APOB: variants seen among roughly 807,000 people sequenced by gnomAD.
APOB encodes apolipoprotein B.
A neutral mutation model predicts 314.1 loss-of-function variants in APOB; 153 were observed. The observed-to-expected ratio is 0.49, with a 90% confidence interval of 0.43 to 0.56. The LOEUF (loss-of-function observed/expected upper bound fraction) is 0.56. Among genes scored for constraint, APOB ranks in the 20% least tolerant of loss-of-function variants. The pLI is 0.00. For missense variants in APOB, 5,430 were observed against 5,350.7 expected (o/e 1.01, Z -0.46); for synonymous variants, 2,087 against 2,036.4 (o/e 1.02, Z -0.67).
At position 21,002,174 on chromosome 2, in the gene APOB, A is replaced by G. The variant is rs769781707; in HGVS notation, c.13248T>C (p.Val4416=). Residue 4416 remains valine, a synonymous_variant, in exon 29 of 29, where the codon GTT becomes GTC. Transcript: ENST00000233242. ...KIVSLIKNLL[V]ALKDFHSEYI... is the part of the protein sequence containing the mutation. Reference sequence around the variant, plus strand: ...ATTCAGAATGGAAGTCCTTAAGAGCAACTAACAGGTTCTTGATCAGACTGA... The same window carrying G: ...ATTCAGAATGGAAGTCCTTAAGAGCGACTAACAGGTTCTTGATCAGACTGA... The G allele has an allele frequency of 6.2e-7, 1 of 1,613,992 alleles. No individual in the cohort carries two copies. The highest frequency in any genetic ancestry group is 8.5e-7 in the Non-Finnish European group (1 of 1,179,962).
At position 21,007,427 on chromosome 2, in the gene APOB, C is replaced by T. The variant is rs1050626606; in HGVS notation, c.9441G>A (p.Leu3147=). ...LPYTIITTPP[L]KDFSLWEKTG... ...TTTTTTCCCATAGAGAGAAATCTTT[C>T]AGTGGAGGAGTTGTGATTATTGTGT... Residue 3147 remains leucine (L), a synonymous_variant, in exon 26 of 29, where the codon CTG becomes CTA. Coordinates refer to ENST00000233242, the MANE Select transcript of APOB (RefSeq NM_000384.3). The T allele has an allele frequency of 2.5e-6, 4 of 1,613,982 alleles. No homozygotes were observed. The highest frequency in any genetic ancestry group is 3.4e-6 in the Non-Finnish European group (4 of 1,179,960).
rs1231878200 is a variant in APOB, at chr2:21,011,402, A to G, written c.5466T>C (p.His1822=). 1 of 1,614,150 alleles carries G rather than the reference A, an allele frequency of 6.2e-7. No individual in the cohort carries two copies. The highest frequency in any genetic ancestry group is 1.7e-5 in the Admixed American group (1 of 60,022). The change falls in exon 26 of 29, where the codon CAT becomes CAC. Residue 1822 remains histidine (H), a synonymous_variant. Coordinates refer to ENST00000233242, the MANE Select transcript of APOB (RefSeq NM_000384.3). ...GKLRLEPLKL[H]VAGNLKGAYQ... is the part of the protein sequence containing the mutation. ...AGGCTCCTTTTAGGTTACCAGCCAC[A>G]TGCAGCTTCAGGGGTTCTAGCCGTA...
At position 21,026,809 on chromosome 2, in the gene APOB, G is replaced by T. The variant is rs777814256; in HGVS notation, c.2223C>A (p.Thr741=). 6.2e-7 allele frequency: 1 copy of T among 1,613,522 alleles called. No homozygotes were observed. The highest frequency in any genetic ancestry group is 1.7e-5 in the Admixed American group (1 of 59,998). The stretch of plus-strand genomic sequence containing the variant: ...ACACCTGCTCATGTTTATCATCTTT[G>T]GTATAGCCAAAGTGGTCCACTAAGA... The part of the protein sequence containing the change: ...SKVLVDHFGY[T]KDDKHEQDMV... The change falls in exon 15 of 29, where the codon ACC becomes ACA. Residue 741 remains threonine, a synonymous_variant. Coordinates refer to ENST00000233242, the MANE Select transcript of APOB (RefSeq NM_000384.3).
In APOB at chr2:21,002,950, G is replaced by A; in HGVS notation, c.12472C>T (p.Gln4158Ter). 2.5e-6 allele frequency: 4 copies of A among 1,610,972 alleles called. No homozygotes were observed. The highest frequency in any genetic ancestry group is 1.3e-5 in the African/African-American group (1 of 74,942). The change falls in exon 29 of 29, where the codon CAG (glutamine) becomes TAG (stop). Residue 4158 changes from glutamine (Q) to a stop codon, truncating the protein, a stop_gained. Coordinates refer to ENST00000233242, the MANE Select transcript of APOB (RefSeq NM_000384.3). LOFTEE classifies it low-confidence loss of function (END_TRUNC). The stretch of plus-strand genomic sequence containing the variant: ...CCCTGGAAACTGGCTTGGCCTTCCT[G>A]AGTCAACAGTTCCTGGTACAGATTC... ...AQNLYQELLT[Q>*]EGQASFQGLK...
intron 7 of APOB, 80 bp downstream of exon 7, chr2:21,035,504 C>T: frequency 2.5e-6 from 4 of 1,576,736 alleles, no homozygotes; most frequent in Non-Finnish European, 3.5e-6. Flanking sequence ...CACAGGTTTG[C>T]CTGGAACAGA....
chr2:21,004,173 T>C (rs1663065275), intron 28 of APOB, 96 bp downstream of exon 28: 6 of 1,354,362 alleles, frequency 4.4e-6, no homozygotes, highest in Non-Finnish European at 3.1e-6. Context: ...TTCACCTAGT[T>C]TGGGGAATCT....
chr2:21,002,880 T>G lies in APOB; in HGVS notation c.12542A>C (p.Glu4181Ala). The G allele has an allele frequency of 6.2e-7, 1 of 1,613,678 alleles. No homozygotes were observed. Among genetic ancestry groups the G allele is most frequent in the Non-Finnish European group, 8.5e-7 (1 of 1,179,862 alleles). ...VFDGLVRVTQ[E>A]FHMKVKHLID... ...CAGATGCTTGACTTTCATATGGAAT[T>G]CTTGAGTAACTCGTACCAAGCCATC... Residue 4181 changes from glutamate to alanine, a missense_variant, in exon 29 of 29, where the codon GAA becomes GCA. Physicochemically the swap from Glu to Ala is moderately radical, Grantham distance 107. Coordinates refer to ENST00000233242, the MANE Select transcript of APOB (RefSeq NM_000384.3).
chr2:21,008,315 C>T lies in APOB; in HGVS notation c.8553G>A (p.Glu2851=). The change falls in exon 26 of 29, where the codon GAG becomes GAA. Residue 2851 remains glutamate (E), a synonymous_variant. Coordinates refer to ENST00000233242, the MANE Select transcript of APOB (RefSeq NM_000384.3). ...AACTTGCCACTGTGTTTGATTTTCC[C>T]TCAATAGCATTTCCAAAAAACAGCA... ...SEMLFFGNAI[E]GKSNTVASLH... is the part of the protein sequence containing the mutation. 1 of 1,613,104 alleles carries T rather than the reference C, an allele frequency of 6.2e-7. No individual in the cohort carries two copies. Among genetic ancestry groups the T allele is most frequent in the South Asian group, 1.1e-5 (1 of 91,050 alleles).
rs1663318711 is a variant in APOB at position 21,011,429 on chromosome 2, T to C, written c.5439A>G (p.Lys1813=). 4 of 1,614,142 alleles carry C rather than the reference T, an allele frequency of 2.5e-6. No individual in the cohort carries two copies. The highest frequency in any genetic ancestry group is 3.4e-6 in the Non-Finnish European group (4 of 1,180,028). The change falls in exon 26 of 29, where the codon AAA becomes AAG. Residue 1813 remains lysine, a synonymous_variant. Coordinates refer to ENST00000233242, the MANE Select transcript of APOB (RefSeq NM_000384.3). The stretch of plus-strand genomic sequence containing the variant: ...GCAGCTTCAGGGGTTCTAGCCGTAG[T>C]TTCCCATTGTTGGTGAGATCCAGAG... ...YNALDLTNNG[K]LRLEPLKLHV... is the part of the protein sequence containing the mutation.
intron 18 of APOB, among the ~76,000 whole-genome samples, chr2:21,021,194 G>A (rs1030864043): frequency 5.9e-5 from 9 of 152,150 alleles, no homozygotes; most frequent in African/African-American, 2.2e-4. Flanking sequence ...CTCTCCCACT[G>A]TAGTTCTTAT....
chr2:21,038,777 T>C (rs937135044), intron 4 of APOB, among the ~76,000 whole-genome samples: 1 of 152,248 alleles, frequency 6.6e-6, no homozygotes, highest in Non-Finnish European at 1.5e-5. Flanking sequence ...TCTGTAAACA[T>C]GGGTGAGTGC....
intron 10 of APOB, among the ~76,000 whole-genome samples, chr2:21,031,879 C>CA (rs1558573789): frequency 6.6e-6 from 1 of 151,654 alleles, no homozygotes; most frequent in Non-Finnish European, 1.5e-5. Context: ...AAAAACAAAA[C>CA]AAACAAACAA....
In APOB at chr2:21,008,469, T is replaced by C; in HGVS notation, c.8399A>G (p.Lys2800Arg). 1 of 1,614,112 alleles carries C rather than the reference T, an allele frequency of 6.2e-7. No individual in the cohort carries two copies. The highest frequency in any genetic ancestry group is 8.5e-7 in the Non-Finnish European group (1 of 1,179,982). The part of the protein sequence containing the change: ...AASITAKGES[K>R]LEVLNFDFQA... ...AAAATCAAAATTGAGAACTTCTAATTTGGACTCTCCTTTGGCAGTGATGGA... is the reference window on the plus strand; with the variant it reads ...AAAATCAAAATTGAGAACTTCTAATCTGGACTCTCCTTTGGCAGTGATGGA... Residue 2800 changes from lysine to arginine, a missense_variant, in exon 26 of 29, where the codon AAA (lysine) becomes AGA (arginine). Transcript: ENST00000233242.
At position 21,022,952 on chromosome 2, in the gene APOB, C is replaced by A. The variant is rs914459572; in HGVS notation, c.2695G>T (p.Val899Phe). 1 of 1,614,174 alleles carries A rather than the reference C, an allele frequency of 6.2e-7. No individual in the cohort carries two copies. Among genetic ancestry groups the A allele is most frequent in the East Asian group, 2.2e-5 (1 of 44,894 alleles). Residue 899 changes from valine (V) to phenylalanine (F), a missense_variant, in exon 18 of 29, where the codon GTC becomes TTC. Transcript: ENST00000233242. Reference protein sequence around the residue: ...IIIPDFARSGVQMNTNFFHES... With the variant: ...IIIPDFARSGFQMNTNFFHES... ...TGGAAGAAGTTGGTGTTCATCTGGA[C>A]CCCACTCCTAGCGAAGTCCGGAATG...
At chr2:21,027,351 G>A (rs11901649) in intron 14 of APOB, among the ~76,000 whole-genome samples, 50,487 of 137,548 alleles carry the variant, frequency 0.37, 9,467 homozygotes, top group Non-Finnish European at 0.43. Context: ...TTGCTCTGTC[G>A]CCCAGGCTGG....
Position 21,022,976 on chromosome 2 carries a change from T to C in APOB, c.2671A>G (p.Ile891Val). The C allele has an allele frequency of 6.2e-7, 1 of 1,614,202 alleles. No homozygotes were observed. The highest frequency in any genetic ancestry group is 1.3e-5 in the African/African-American group (1 of 75,042). ...ACCCCACTCCTAGCGAAGTCCGGAA[T>C]GATGATGCCCATATTTGTCACAAAC... Reference protein sequence around the residue: ...VEFVTNMGIIIPDFARSGVQM... With the variant: ...VEFVTNMGIIVPDFARSGVQM... The change falls in exon 18 of 29, where the codon ATT (isoleucine) becomes GTT (valine). Residue 891 changes from isoleucine (I) to valine (V), a missense_variant. Around this residue, in one of 3 missense-constraint regions of APOB, gnomAD observed 2,085 missense variants for 2,079.7 expected, o/e 1.00. Transcript: ENST00000233242.
Position 21,035,690 on chromosome 2 carries a change from G to A in APOB, c.712C>T (p.Leu238=), listed in dbSNP as rs1248136531. The A allele has an allele frequency of 1.9e-6, 3 of 1,614,122 alleles. No individual in the cohort carries two copies. The highest frequency in any genetic ancestry group is 1.7e-6 in the Non-Finnish European group (2 of 1,180,042). ...IKGMTRPLST[L]ISSSQSCQYT... is the part of the protein sequence containing the mutation. ...TGACAGGACTGGCTGCTGCTGATCAGAGTTGACAAGGGGCGGGTCTATGAA... is the reference window on the plus strand; with the variant it reads ...TGACAGGACTGGCTGCTGCTGATCAAAGTTGACAAGGGGCGGGTCTATGAA... Residue 238 remains leucine, a synonymous_variant, in exon 7 of 29, where the codon CTG becomes TTG. Transcript: ENST00000233242.
chr2:21,029,840 A>C (rs1663832319), intron 11 of APOB, 55 bp from the exon 12 acceptor site: 1 of 1,611,582 alleles, frequency 6.2e-7, no homozygotes, highest in Non-Finnish European at 8.5e-7. Context: ...GGGAAGTAAA[A>C]GGTGTCCAGG....
chr2:21,024,837 C>T lies in APOB; in HGVS notation c.2436+96G>A, dbSNP rs772309373. On this transcript the variant is annotated intron_variant, in intron 16 of 28. Coordinates refer to ENST00000233242, the MANE Select transcript of APOB (RefSeq NM_000384.3). The stretch of plus-strand genomic sequence containing the variant: ...TCTGAAGAAAGTACAAGCATCTTTT[C>T]GGGCTTGTGCAGCTGGGATCGTAAG... 31 of 1,293,576 alleles carry T rather than the reference C, an allele frequency of 2.4e-5. No homozygotes were observed. In the Middle Eastern group the frequency reaches 5.5e-4, roughly 23 times the overall value. The allele number at this position is 1,293,576 out of a possible 1,614,324, so 80.1% of individuals were successfully genotyped here.
Sources: gnomAD v4.1 joint callset for allele counts (sites outside exome capture counted in the v4.1 genomes callset) on GRCh38, gnomAD v4.1.1 for gene constraint, gnomAD v4.1.1 regional missense constraint, MANE v1.5 for transcripts, NCBI Gene and HGNC (gene_info 2026-07-23, HGNC 2026-07-21) for gene names.